Variants in DOCK9 observed in about 807,000 individuals in gnomAD.
The protein encoded by DOCK9 is dedicator of cytokinesis protein 9.
Under a neutral mutation model 263.3 loss-of-function variants are expected in DOCK9, and 89 were observed. That is an observed-to-expected ratio of 0.34 (90% CI 0.28 to 0.40). DOCK9 has a LOEUF of 0.40. DOCK9 is among the 10% of genes least tolerant of loss of function. The pLI is 1.00. For synonymous variants in DOCK9, 976 were observed against 973.1 expected (o/e 1.00, Z -0.06); for missense variants, 2,140 against 2,603.4 (o/e 0.82, Z 3.87).
At chr13:98,975,903 A>C (rs1435286045) in intron 1 of DOCK9, among the ~76,000 whole-genome samples, 4 of 152,236 alleles carry the variant, frequency 2.6e-5, no homozygotes, top group Admixed American at 2.6e-4. Flanking sequence ...CAGGTTGCAC[A>C]ATGGTGTCTG....
intron 2 of DOCK9, among the ~76,000 whole-genome samples, chr13:98,944,245 T>C (rs1427325565): frequency 6.6e-6 from 1 of 152,196 alleles, no homozygotes; most frequent in South Asian, 2.1e-4. Flanking sequence ...TTACTTGATG[T>C]ATACAGGTGG....
intron 1 of DOCK9, among the ~76,000 whole-genome samples, chr13:98,975,451 A>T (rs2060163175): frequency 6.7e-6 from 1 of 148,158 alleles, no homozygotes; most frequent in South Asian, 2.2e-4. Context: ...ATCTACCATA[A>T]TAGTATATTC....
chr13:98,992,762 A>G (rs761244761), intron 1 of DOCK9, among the ~76,000 whole-genome samples: 1 of 152,198 alleles, frequency 6.6e-6, no homozygotes, highest in Non-Finnish European at 1.5e-5. Context: ...TATAAATTAC[A>G]GTCTCAGGTA....
intron 1 of DOCK9, among the ~76,000 whole-genome samples, chr13:98,968,464 A>G (rs2059413912): frequency 6.6e-6 from 1 of 152,098 alleles, no homozygotes; most frequent in African/African-American, 2.4e-5. Flanking sequence ...TACTAAAAAT[A>G]CAAAAACCAG....
chr13:99,024,876 T>A (rs773181312), intron 1 of DOCK9, among the ~76,000 whole-genome samples: 2 of 152,218 alleles, frequency 1.3e-5, no homozygotes, highest in Non-Finnish European at 2.9e-5. Flanking sequence ...ATAAAATATG[T>A]ACTCTCTTGT....
intron 49 of DOCK9, 68 bp from the exon 50 acceptor site, chr13:98,800,546 T>C (rs2089999430): frequency 1.3e-6 from 2 of 1,526,622 alleles, no homozygotes; most frequent in Non-Finnish European, 1.8e-6. Context: ...AGCTGATTAT[T>C]ATTAGAAGTG....
rs879143991 is a variant in DOCK9, at chr13:98,955,333, T to A, written c.243+102A>T. On this transcript the variant is annotated intron_variant, in intron 2 of 52. Transcript: ENST00000682017. ...GACTGTGTCTCAAAAAAAATAATAA[T>A]AATAATAATTAACTAACCAAACAAT... 119 of 748,082 alleles carry A rather than the reference T, an allele frequency of 1.6e-4. No individual in the cohort carries two copies. In the South Asian group the frequency reaches 3.3e-3, roughly 21 times the overall value. The allele number at this position is 748,082 out of a possible 1,614,324, so 46.3% of individuals were successfully genotyped here. A position where few individuals can be genotyped will look rare whatever the true frequency, so the allele number is the denominator to read the frequency against.
chr13:99,053,303 A>C (rs1434072606), intron 1 of DOCK9, among the ~76,000 whole-genome samples: 1 of 152,196 alleles, frequency 6.6e-6, no homozygotes, highest in Non-Finnish European at 1.5e-5. Context: ...AAAGAAGATA[A>C]ATTTTGTCAC....
chr13:98,826,874 T>C lies in DOCK9; in HGVS notation c.4979A>G (p.Tyr1660Cys), dbSNP rs1399725509. 3.1e-6 allele frequency: 5 copies of C among 1,610,734 alleles called. No homozygotes were observed. The South Asian group carries it at 4.4e-5, about 14-fold the overall frequency. The change falls in exon 44 of 53, where the codon TAT becomes TGT. Residue 1660 changes from tyrosine (Y) to cysteine (C), a missense_variant. This residue lies in a region of DOCK9 where 619 missense variants were observed against 861.8 expected (regional missense o/e 0.72). Coordinates refer to ENST00000682017, the MANE Select transcript of DOCK9 (RefSeq NM_001366683.2). ...NGDLSEAAMC[Y>C]VHVTALVAEY... ...TGCCACTAGGGCTGTTACGTGGACA[T>C]AGCACATTGCTGCCTATAATAGAAG...
chr13:98,902,196 C>G, intron 12 of DOCK9, 92 bp downstream of exon 12: 1 of 1,344,598 alleles, frequency 7.4e-7, no homozygotes, highest in South Asian at 1.4e-5. Context: ...CCCACTTGTG[C>G]ATTACAAGGT....
In DOCK9 at chr13:98,829,853, A is replaced by G; in HGVS notation, c.4636-97T>C. On this transcript the variant is annotated intron_variant, in intron 41 of 52. Coordinates refer to ENST00000682017, the MANE Select transcript of DOCK9 (RefSeq NM_001366683.2). This position sits in a 1 kb window ranked among gnomAD's most constrained non-coding sequence, Gnocchi z 4.1. ...GTTAGGATGTGCCTAAGGACCCAGC[A>G]AAGTGGGGGTTGGGGGGTGCTTTGA... The G allele has an allele frequency of 3.9e-6, 4 of 1,038,878 alleles. 1 individual carries two copies. The South Asian group carries it at 5.5e-5, about 14-fold the overall frequency. 64.4% of individuals were successfully genotyped at this position (1,038,878 alleles called of 1,614,324 possible).
At chr13:99,085,720 T>C (rs1000901541) in intron 1 of DOCK9, among the ~76,000 whole-genome samples, 4 of 152,010 alleles carry the variant, frequency 2.6e-5, no homozygotes, top group Admixed American at 6.6e-5. Context: ...CCTTCCCTCC[T>C]GGAGTTCAGC....
intron 52 of DOCK9, chr13:98,796,282 T>C: frequency 1.5e-6 from 2 of 1,344,106 alleles, no homozygotes; most frequent in Non-Finnish European, 1.0e-6. Flanking sequence ...GTTCGTTTCC[T>C]GCAATGAAAA....
At position 98,855,902 on chromosome 13, in the gene DOCK9, T is replaced by C; in HGVS notation, c.3827A>G (p.Asp1276Gly). The change falls in exon 34 of 53, where the codon GAT becomes GGT. Residue 1276 changes from aspartate to glycine, a missense_variant. By Grantham distance (94) the Asp-to-Gly change is moderately conservative. Transcript: ENST00000682017. Reference protein sequence around the residue: ...ERNSEKSNSLDKHQQSSTLGN... With the variant: ...ERNSEKSNSLGKHQQSSTLGN... ...TGTTGGGTGAAAAGCAATTACCTTA[T>C]CCAGGGAATTGCTCTTCTCACTATT... The C allele has an allele frequency of 6.2e-7, 1 of 1,613,952 alleles. No individual in the cohort carries two copies. The highest frequency in any genetic ancestry group is 8.5e-7 in the Non-Finnish European group (1 of 1,179,846).
At chr13:99,032,316 CA>C (rs1003380157) in intron 1 of DOCK9, among the ~76,000 whole-genome samples, 8 of 148,084 alleles carry the variant, frequency 5.4e-5, no homozygotes, top group Admixed American at 2.0e-4. Flanking sequence ...ACTAAAAATA[CA>C]AAAAAAAAAT....
intron 45 of DOCK9, among the ~76,000 whole-genome samples, chr13:98,816,280 G>T (rs1231996961): frequency 6.6e-6 from 1 of 152,054 alleles, no homozygotes; most frequent in Non-Finnish European, 1.5e-5. Flanking sequence ...ATCCTCAGAG[G>T]AGCCAGAACT....
At chr13:99,058,371 A>G (rs1204846792) in intron 1 of DOCK9, among the ~76,000 whole-genome samples, 5 of 152,122 alleles carry the variant, frequency 3.3e-5, no homozygotes, top group Admixed American at 2.0e-4. Flanking sequence ...CATGTTGGCC[A>G]GCCTGGTCTT....
At chr13:98,989,240 C>A (rs182603770) in intron 1 of DOCK9, among the ~76,000 whole-genome samples, 2 of 151,682 alleles carry the variant, frequency 1.3e-5, no homozygotes, top group Admixed American at 1.3e-4. Flanking sequence ...TGAGGTGAAG[C>A]CAAGACCCCT....
intron 9 of DOCK9, among the ~76,000 whole-genome samples, chr13:98,910,870 T>C (rs1331178013): frequency 1.3e-5 from 2 of 150,200 alleles, no homozygotes; most frequent in Non-Finnish European, 3.0e-5. Flanking sequence ...TCCCCACCCC[T>C]CCCTCTGCAT....
Sources: allele counts gnomAD v4.1 joint callset (sites outside exome capture counted in the v4.1 genomes callset), GRCh38; gene constraint gnomAD v4.1.1; regional missense constraint gnomAD v4.1.1; non-coding constraint Gnocchi (gnomAD v3.1); transcripts MANE v1.5; gene names NCBI Gene and HGNC (gene_info 2026-07-23, HGNC 2026-07-21).